Variants in MALL observed in about 807,000 individuals in gnomAD.
MALL encodes MAL-like protein.
MALL carries 2 observed loss-of-function variants against 10.3 expected under a neutral mutation model. The ratio of observed to expected loss-of-function variants is 0.19; its 90% CI spans 0.08 to 0.61. The LOEUF (loss-of-function observed/expected upper bound fraction) is 0.61. Among genes scored for constraint, MALL ranks in the 20% least tolerant of loss-of-function variants. The pLI is 0.88. For missense variants in MALL, 39 were observed against 115.2 expected (o/e 0.34, Z 3.03); for synonymous variants, 27 against 51.8 (o/e 0.52, Z 2.05).
At chr2:110,096,949 A>T (rs1280325607) in intron 1 of MALL, among the ~76,000 whole-genome samples, 1 of 152,174 alleles carries the variant, frequency 6.6e-6, no homozygotes, top group African/African-American at 2.4e-5. Context: ...GATGCATGTG[A>T]GCAAAATGAC....
At chr2:110,096,710 T>TAC (rs61332655) in intron 1 of MALL, among the ~76,000 whole-genome samples, 6,577 of 140,870 alleles carry the variant, frequency 0.047, 164 homozygotes, top group African/African-American at 0.068. Context: ...AAAATGTACC[T>TAC]ACACACACAC....
chr2:110,095,701 A>C (rs1355430330), intron 1 of MALL, among the ~76,000 whole-genome samples: 1 of 152,134 alleles, frequency 6.6e-6, no homozygotes, highest in Non-Finnish European at 1.5e-5. Flanking sequence ...AAAAAAAGAA[A>C]AAAAAAAGAA....
At chr2:110,112,677 T>C (rs1456593672) in intron 1 of MALL, among the ~76,000 whole-genome samples, 1 of 151,804 alleles carries the variant, frequency 6.6e-6, no homozygotes, top group African/African-American at 2.4e-5. Flanking sequence ...CAGTGTGGAG[T>C]TTCCTTAAAG....
chr2:110,096,113 G>A (rs1678434716), intron 1 of MALL, among the ~76,000 whole-genome samples: 1 of 152,096 alleles, frequency 6.6e-6, no homozygotes, highest in Non-Finnish European at 1.5e-5. Context: ...CCCTCCGGGC[G>A]GCACTCCAAG....
intron 1 of MALL, among the ~76,000 whole-genome samples, chr2:110,112,418 G>A (rs1000173500): frequency 6.6e-6 from 1 of 152,060 alleles, no homozygotes; most frequent in Non-Finnish European, 1.5e-5. Flanking sequence ...CAAAAAGTGG[G>A]CCAAGGACAT....
intron 1 of MALL, among the ~76,000 whole-genome samples, chr2:110,098,582 A>T (rs754362264): frequency 2.3e-4 from 35 of 152,164 alleles, no homozygotes; most frequent in Non-Finnish European, 5.0e-4. Flanking sequence ...TCCATTGCAT[A>T]TGTGTGTCAC....
chr2:110,110,683 A>G (rs1278185871), intron 1 of MALL, among the ~76,000 whole-genome samples: 2 of 152,156 alleles, frequency 1.3e-5, no homozygotes, highest in Non-Finnish European at 2.9e-5. Flanking sequence ...ATTCCACAAG[A>G]TAGAGAATGA....
intron 1 of MALL, among the ~76,000 whole-genome samples, chr2:110,113,435 CAAAAAAAAAA>C (rs58360665): frequency 1.6e-4 from 5 of 31,824 alleles, no homozygotes; most frequent in Admixed American, 3.7e-4. Context: ...GACTCTGTCT[CAAAAAAAAAA>C]AAAAAAAAAA....
At chr2:110,116,097 G>A, upstream of MALL, 1 of 285,624 alleles carries the variant, frequency 3.5e-6, no homozygotes, top group Non-Finnish European at 6.5e-6. Flanking sequence ...TTATTCCAGG[G>A]GATGCCAGCG....
intron 1 of MALL, among the ~76,000 whole-genome samples, chr2:110,104,761 C>T (rs139189514): frequency 1.6e-4 from 24 of 152,258 alleles, no homozygotes; most frequent in Non-Finnish European, 2.6e-4. Flanking sequence ...CTGGAGTGCT[C>T]GTTGCATCTT....
upstream of MALL, chr2:110,115,989 CT>C: frequency 2.5e-6 from 1 of 392,704 alleles, no homozygotes; most frequent in East Asian, 3.6e-5. Context: ...ATGGCTCTGC[CT>C]GGCCGGCGGG....
At chr2:110,100,130 A>T (rs1339364103) in intron 1 of MALL, among the ~76,000 whole-genome samples, 1 of 152,006 alleles carries the variant, frequency 6.6e-6, no homozygotes, top group Middle Eastern at 3.2e-3. Flanking sequence ...GCAAACTATG[A>T]GTGAGACTCA....
At chr2:110,101,591 C>T (rs780844112) in intron 1 of MALL, among the ~76,000 whole-genome samples, 5 of 152,100 alleles carry the variant, frequency 3.3e-5, no homozygotes, top group South Asian at 4.1e-4. Context: ...GCTGGCAGTG[C>T]GCCCGGCCTC....
At chr2:110,113,455 A>AAAAAAAAAT (rs1678848973) in intron 1 of MALL, among the ~76,000 whole-genome samples, 1 of 150,094 alleles carries the variant, frequency 6.7e-6, no homozygotes. Context: ...AAAAAAAAAA[A>AAAAAAAAAT]AAAAAGACTA....
intron 1 of MALL, among the ~76,000 whole-genome samples, chr2:110,107,683 T>C (rs1678724393): frequency 6.6e-6 from 1 of 152,176 alleles, no homozygotes; most frequent in African/African-American, 2.4e-5. Flanking sequence ...TCCATACTAC[T>C]ACAGCTGCTG....
upstream of MALL, among the ~76,000 whole-genome samples, chr2:110,117,519 C>A (rs991911022): frequency 9.3e-5 from 14 of 150,962 alleles, no homozygotes; most frequent in African/African-American, 3.4e-4. Flanking sequence ...TGGCTAAAGA[C>A]CAGGGTTTTC....
chr2:110,118,070 CTTT>C (rs75059765), upstream of MALL, among the ~76,000 whole-genome samples: 3 of 145,186 alleles, frequency 2.1e-5, no homozygotes, highest in East Asian at 6.0e-4. Flanking sequence ...ATTCCTGCTC[CTTT>C]TTTTTTTTTT....
At chr2:110,114,669 T>C (rs769269611) in intron 1 of MALL, among the ~76,000 whole-genome samples, 64 of 151,242 alleles carry the variant, frequency 4.2e-4, no homozygotes, top group Non-Finnish European at 8.6e-4. Flanking sequence ...TTCGCCAGTT[T>C]GCCTAAAAGT....
At chr2:110,098,462 C>T (rs1199859676) in intron 1 of MALL, among the ~76,000 whole-genome samples, 1 of 152,084 alleles carries the variant, frequency 6.6e-6, no homozygotes, top group Non-Finnish European at 1.5e-5. Context: ...TGGAATCATG[C>T]CGTATTTGTC....
Sources: gnomAD v4.1 joint callset for allele counts (sites outside exome capture counted in the v4.1 genomes callset) on GRCh38, gnomAD v4.1.1 for gene constraint, MANE v1.5 for transcripts, NCBI Gene and HGNC (gene_info 2026-07-23, HGNC 2026-07-21) for gene names.